PTPRG: variants seen among roughly 807,000 people sequenced by gnomAD.
The protein encoded by PTPRG is protein tyrosine phosphatase receptor type G.
In PTPRG, 102 loss-of-function variants were observed where a neutral mutation model predicts 165.3. The ratio of observed to expected loss-of-function variants is 0.62; its 90% CI spans 0.53 to 0.73. The LOEUF is 0.73. Among genes scored for constraint, PTPRG ranks in the 30% least tolerant of loss-of-function variants. The pLI is 0.00. For synonymous variants in PTPRG, 675 were observed against 669.5 expected (o/e 1.01, Z -0.13); for missense variants, 1,866 against 1,861.4 (o/e 1.00, Z -0.05).
intron 1 of PTPRG, among the ~76,000 whole-genome samples, chr3:61,691,292 A>G (rs1047630561): frequency 7.2e-5 from 11 of 152,296 alleles, no homozygotes; most frequent in Admixed American, 5.2e-4. Context: ...CTGTAGTCCC[A>G]TCTACTCTGG....
At chr3:62,230,654 A>T (rs1241859809) in intron 13 of PTPRG, among the ~76,000 whole-genome samples, 1 of 152,246 alleles carries the variant, frequency 6.6e-6, no homozygotes, top group Admixed American at 6.5e-5. Flanking sequence ...TAACTTGCCA[A>T]CTGCTGTTCC....
Position 61,937,946 on chromosome 3 carries a change from T to TTC in PTPRG, c.191-51678_191-51677insCT, listed in dbSNP as rs570194371. ...CTGCATTTGATCTTGGGGTTTTTTT[T>TTC]TTTCCCCCTTCAGTGAATTATCTTA... On this transcript the variant is annotated intron_variant, in intron 2 of 29. Transcript: ENST00000474889. Among the ~76,000 whole-genome samples the TTC allele has an allele frequency of 4.3e-3, 657 of 152,040 alleles. 7 individuals are homozygous for TTC. Among genetic ancestry groups the TTC allele is most frequent in the African/African-American group, 0.015 (626 of 41,472 alleles).
intron 2 of PTPRG, among the ~76,000 whole-genome samples, chr3:61,803,048 A>T (rs2035296451): frequency 6.6e-6 from 1 of 152,194 alleles, no homozygotes; most frequent in African/African-American, 2.4e-5. Context: ...ACATAGCCAC[A>T]TTCATTTGTT....
intron 1 of PTPRG, among the ~76,000 whole-genome samples, chr3:61,730,768 T>C (rs1355173229): frequency 1.3e-5 from 2 of 152,196 alleles, no homozygotes; most frequent in East Asian, 3.8e-4. Flanking sequence ...CCTAGACTTC[T>C]TAGAAAGTTT....
intron 1 of PTPRG, among the ~76,000 whole-genome samples, chr3:61,691,900 C>A: frequency 6.6e-6 from 1 of 152,078 alleles, no homozygotes; most frequent in South Asian, 2.1e-4. Context: ...GATTCATTAA[C>A]AATTTATTGC....
chr3:61,674,254 G>A (rs1703139873), intron 1 of PTPRG, among the ~76,000 whole-genome samples: 2 of 151,814 alleles, frequency 1.3e-5, no homozygotes, highest in South Asian at 4.2e-4. Context: ...ACATGTTAAT[G>A]TTGCCTTGAG....
At chr3:61,616,540 C>G (rs1575540159) in intron 1 of PTPRG, among the ~76,000 whole-genome samples, 1 of 152,096 alleles carries the variant, frequency 6.6e-6, no homozygotes, top group South Asian at 2.1e-4. Context: ...AATACTCTTC[C>G]GTGTAGACAC....
rs1215906083 is a variant in PTPRG at position 62,254,487 on chromosome 3, C to G, written c.2468-637C>G. Among the ~76,000 whole-genome samples, 1 of 152,080 alleles carries G rather than the reference C, an allele frequency of 6.6e-6. No individual in the cohort carries two copies. The highest frequency in any genetic ancestry group is 1.9e-4 in the East Asian group (1 of 5,198). On this transcript the variant is annotated intron_variant, in intron 15 of 29. Transcript: ENST00000474889. This position sits in a 1 kb window ranked among gnomAD's most constrained non-coding sequence, Gnocchi z 4.6. ...ATGTGGAGTCTTCCCGAATCTATAC[C>G]TAGTCTGTCAACACCAAAAAAATCC...
At chr3:61,569,505 C>T (rs1301991761) in intron 1 of PTPRG, among the ~76,000 whole-genome samples, 3 of 152,170 alleles carry the variant, frequency 2.0e-5, no homozygotes, top group African/African-American at 7.2e-5. Flanking sequence ...TTTATAGAGA[C>T]CGGGTCTCTC....
rs150079594 is a variant in PTPRG, at chr3:61,832,479, C to A, written c.190+83497C>A. Among the ~76,000 whole-genome samples the A allele has an allele frequency of 3.7e-3, 562 of 152,258 alleles. 2 individuals carry two copies. The highest frequency in any genetic ancestry group is 0.013 in the African/African-American group (528 of 41,550). The stretch of plus-strand genomic sequence containing the variant: ...GTCATACAACTGGGAAGAAACTGAC[C>A]TGGACTTGAACCCAGGCTTTCTGGC... On this transcript the variant is annotated intron_variant, in intron 2 of 29. Transcript: ENST00000474889.
intron 2 of PTPRG, among the ~76,000 whole-genome samples, chr3:61,916,271 G>A (rs142654766): frequency 9.0e-4 from 137 of 152,276 alleles, no homozygotes; most frequent in Middle Eastern, 3.4e-3. Flanking sequence ...GGGTGTGTGT[G>A]TGTATAGAGC....
chr3:61,924,132 T>G (rs1433796847), intron 2 of PTPRG, among the ~76,000 whole-genome samples: 12 of 152,232 alleles, frequency 7.9e-5, no homozygotes, highest in Non-Finnish European at 8.8e-5. Flanking sequence ...GGGCTCACTT[T>G]CCTTTCCTCA....
rs571633773 is a variant in PTPRG, at chr3:62,229,729, A to C, written c.2289-1496A>C. ...CTGCTGGTTTGCTCAGGTAGCCTCA[A>C]ATATCTCAATTATTCAAGATATTAG... On this transcript the variant is annotated intron_variant, in intron 13 of 29. Transcript: ENST00000474889. This position sits in a 1 kb window ranked among gnomAD's most constrained non-coding sequence, Gnocchi z 4.6. Among the ~76,000 whole-genome samples, 3 of 152,158 alleles carry C rather than the reference A, an allele frequency of 2.0e-5. No homozygotes were observed. The highest frequency in any genetic ancestry group is 2.1e-4 in the South Asian group (1 of 4,826).
Position 62,272,982 on chromosome 3 carries a change from A to C in PTPRG, c.3219A>C (p.Ile1073=). ...GCAGAACAGGCACCTATATTGTAAT[A>C]GACAGCATGCTGCAACAGATAAAAG... The part of the protein sequence containing the change: ...GVGRTGTYIV[I]DSMLQQIKDK... Residue 1073 remains isoleucine (I), a synonymous_variant, in exon 22 of 30, where the codon ATA becomes ATC. Transcript: ENST00000474889. 6.2e-7 allele frequency: 1 copy of C among 1,613,832 alleles called. No individual in the cohort carries two copies. The highest frequency in any genetic ancestry group is 1.1e-5 in the South Asian group (1 of 91,050).
chr3:62,063,066 TA>T (rs2106696883), intron 4 of PTPRG, among the ~76,000 whole-genome samples: 1 of 152,326 alleles, frequency 6.6e-6, no homozygotes, highest in East Asian at 1.9e-4. Flanking sequence ...CAAATGTATG[TA>T]AAAGCATCAT....
In PTPRG at chr3:62,081,690, C is replaced by T. The variant is rs907876128; in HGVS notation, c.615+3432C>T. ...ACACACGTGCTTATATGCTTGAATT[C>T]TCACTATGTCATGCAATGCAAATAA... On this transcript the variant is annotated intron_variant, in intron 5 of 29. Transcript: ENST00000474889. 3.3e-5 allele frequency among the ~76,000 whole-genome samples: 5 copies of T among 152,282 alleles called. 1 individual carries two copies. In the South Asian group the frequency reaches 1.0e-3, roughly 32 times the overall value.
In PTPRG at chr3:61,834,557, G is replaced by C. The variant is rs971822793; in HGVS notation, c.190+85575G>C. 1.7e-4 allele frequency among the ~76,000 whole-genome samples: 26 copies of C among 152,302 alleles called. No individual in the cohort carries two copies. The East Asian group carries it at 2.7e-3, about 16-fold the overall frequency. On this transcript the variant is annotated intron_variant, in intron 2 of 29. Coordinates refer to ENST00000474889, the MANE Select transcript of PTPRG (RefSeq NM_002841.4). ...AGGCTTGCCACGGTGGCTCATGCCT[G>C]TAATCCCAACACTTTGGGAGGCCGA...
intron 4 of PTPRG, among the ~76,000 whole-genome samples, chr3:62,058,481 A>G (rs1700703683): frequency 6.6e-6 from 1 of 152,030 alleles, no homozygotes; most frequent in South Asian, 2.1e-4. Context: ...GTTCATTTTA[A>G]GTGCGTCAGT....
chr3:61,680,949 C>T (rs6794406), intron 1 of PTPRG, among the ~76,000 whole-genome samples: 3,859 of 69,802 alleles, frequency 0.055, 701 homozygotes, highest in African/African-American at 0.14. Context: ...TTTTCAAATG[C>T]GGTCATGGCT....
Sources: allele counts gnomAD v4.1 joint callset (sites outside exome capture counted in the v4.1 genomes callset), GRCh38; gene constraint gnomAD v4.1.1; non-coding constraint Gnocchi (gnomAD v3.1); transcripts MANE v1.5; gene names NCBI Gene and HGNC (gene_info 2026-07-23, HGNC 2026-07-21).